SYT9: variants seen among roughly 807,000 people sequenced by gnomAD.
The protein encoded by SYT9 is synaptotagmin 9, also known as synaptotagmin-9.
A neutral mutation model predicts 48.4 loss-of-function variants in SYT9; 22 were observed. The ratio of observed to expected loss-of-function variants is 0.45; its 90% CI spans 0.32 to 0.65. SYT9 has a LOEUF of 0.65. Among genes scored for constraint, SYT9 ranks in the 30% least tolerant of loss-of-function variants. The pLI is 0.03. For synonymous variants in SYT9, 265 were observed against 245.0 expected, an observed-to-expected ratio of 1.08 and a Z score of -0.76; for missense variants, 577 against 622.0, an observed-to-expected ratio of 0.93 and a Z score of 0.77.
At chr11:7,297,356 C>G (rs1342858148) in intron 1 of SYT9, among the ~76,000 whole-genome samples, 1 of 152,144 alleles carries the variant, frequency 6.6e-6, no homozygotes, top group African/African-American at 2.4e-5. Context: ...AATTCATAGT[C>G]AATGTTATTT....
At chr11:7,338,253 T>C (rs955341863) in intron 3 of SYT9, among the ~76,000 whole-genome samples, 1 of 152,182 alleles carries the variant, frequency 6.6e-6, no homozygotes, top group African/African-American at 2.4e-5. Context: ...TCTTCTTTAT[T>C]AATCTAACTA....
intron 1 of SYT9, among the ~76,000 whole-genome samples, chr11:7,244,130 A>G (rs950001554): frequency 3.9e-5 from 6 of 152,184 alleles, no homozygotes; most frequent in East Asian, 1.9e-4. Context: ...GACCTGGAAC[A>G]TGGCCCTCTG....
intron 6 of SYT9, among the ~76,000 whole-genome samples, chr11:7,432,323 G>C (rs1163441822): frequency 6.6e-6 from 1 of 151,918 alleles, no homozygotes; most frequent in African/African-American, 2.4e-5. Flanking sequence ...AAGGCAGGTG[G>C]ATCAGTTGAG....
chr11:7,332,517 G>T (rs1222107680), intron 3 of SYT9, among the ~76,000 whole-genome samples: 1 of 152,198 alleles, frequency 6.6e-6, no homozygotes, highest in Non-Finnish European at 1.5e-5. Context: ...GAACATAGGT[G>T]GGACCCTGAC....
At chr11:7,291,521 C>G (rs966294019) in intron 1 of SYT9, among the ~76,000 whole-genome samples, 3 of 152,072 alleles carry the variant, frequency 2.0e-5, no homozygotes, top group Admixed American at 2.0e-4. Flanking sequence ...ATACATTGGC[C>G]CATTGCTCCC....
At chr11:7,398,610 C>CT (rs1846808492) in intron 3 of SYT9, among the ~76,000 whole-genome samples, 1 of 152,060 alleles carries the variant, frequency 6.6e-6, no homozygotes, top group Non-Finnish European at 1.5e-5. Context: ...TGGGGTTTCA[C>CT]CATGTTAGCC....
At chr11:7,339,518 C>A (rs374066607) in intron 3 of SYT9, among the ~76,000 whole-genome samples, 3 of 152,080 alleles carry the variant, frequency 2.0e-5, no homozygotes, top group East Asian at 3.9e-4. Context: ...TTTAGTGTTC[C>A]TTTCAAGATC....
At chr11:7,434,639 G>A (rs1358873892) in intron 6 of SYT9, among the ~76,000 whole-genome samples, 2 of 152,092 alleles carry the variant, frequency 1.3e-5, no homozygotes, top group Admixed American at 6.5e-5. Flanking sequence ...AGTATGGCAG[G>A]GCAGCCAGCG....
At chr11:7,403,167 G>A (rs536467501) in intron 3 of SYT9, among the ~76,000 whole-genome samples, 2 of 152,222 alleles carry the variant, frequency 1.3e-5, no homozygotes, top group African/African-American at 4.8e-5. Context: ...TGCTTTGGCT[G>A]CATTCCACAA....
chr11:7,396,250 C>T (rs1846750137), intron 3 of SYT9, among the ~76,000 whole-genome samples: 1 of 152,118 alleles, frequency 6.6e-6, no homozygotes, highest in Non-Finnish European at 1.5e-5. Context: ...TGGTCTCCTG[C>T]ATCCGCCAAT....
intron 3 of SYT9, among the ~76,000 whole-genome samples, chr11:7,372,820 T>TTTTATTATTTTATGGCA (rs1279810878): frequency 2.0e-5 from 3 of 152,148 alleles, no homozygotes; most frequent in Non-Finnish European, 4.4e-5. Flanking sequence ...CTTTTACGTG[T>TTTTATTATTTTATGGCA]TTTATTATTT....
At chr11:7,291,746 G>T (rs1056359045) in intron 1 of SYT9, among the ~76,000 whole-genome samples, 2 of 152,042 alleles carry the variant, frequency 1.3e-5, no homozygotes, top group African/African-American at 4.8e-5. Flanking sequence ...AAGCCTGGAA[G>T]TCTTCTGCCC....
intron 1 of SYT9, among the ~76,000 whole-genome samples, chr11:7,283,350 A>T (rs147222480): frequency 6.6e-6 from 1 of 152,214 alleles, no homozygotes; most frequent in African/African-American, 2.4e-5. Context: ...AAGATTGAAG[A>T]CAGTGGTAAA....
At chr11:7,273,192 T>C (rs544118630) in intron 1 of SYT9, among the ~76,000 whole-genome samples, 3 of 152,146 alleles carry the variant, frequency 2.0e-5, no homozygotes, top group South Asian at 2.1e-4. Flanking sequence ...AGAGACTGAA[T>C]TGGGTTTTAG....
intron 3 of SYT9, among the ~76,000 whole-genome samples, chr11:7,332,925 TG>T (rs1208752856): frequency 3.3e-5 from 5 of 152,252 alleles, no homozygotes; most frequent in African/African-American, 1.2e-4. Flanking sequence ...CTACATTTAA[TG>T]GTCTTCTACC....
intron 3 of SYT9, among the ~76,000 whole-genome samples, chr11:7,388,454 C>T (rs1415699256): frequency 1.3e-5 from 2 of 151,892 alleles, no homozygotes; most frequent in Admixed American, 6.6e-5. Context: ...ACTTTTGGCT[C>T]GTTAATCTTC....
intron 1 of SYT9, among the ~76,000 whole-genome samples, chr11:7,271,929 G>A (rs528923218): frequency 5.9e-4 from 90 of 152,268 alleles, no homozygotes; most frequent in African/African-American, 2.1e-3. Context: ...AAAAAATGCA[G>A]AAGCTGAGCT....
intron 2 of SYT9, among the ~76,000 whole-genome samples, chr11:7,311,630 ACCC>A (rs1849135200): frequency 6.6e-6 from 1 of 152,238 alleles, no homozygotes; most frequent in East Asian, 1.9e-4. Context: ...ACTAGACAGT[ACCC>A]AGAAGGGTGG....
chr11:7,451,875 G>A (rs1044382100), intron 6 of SYT9, among the ~76,000 whole-genome samples: 3 of 152,176 alleles, frequency 2.0e-5, no homozygotes, highest in African/African-American at 7.2e-5. Flanking sequence ...GGATCCAGCT[G>A]TGCCTGAAAC....
Sources: allele counts gnomAD v4.1 joint callset (sites outside exome capture counted in the v4.1 genomes callset), GRCh38; gene constraint gnomAD v4.1.1; transcripts MANE v1.5; gene names NCBI Gene and HGNC (gene_info 2026-07-23, HGNC 2026-07-21).